GPC3: variants seen among roughly 807,000 people sequenced by gnomAD.
GPC3 encodes the protein glypican 3.
In GPC3, 3 loss-of-function variants were observed where a neutral mutation model predicts 34.4. The observed-to-expected ratio is 0.09, with a 90% CI of 0.04 to 0.23. The LOEUF is 0.23. Among genes scored for constraint, GPC3 ranks in the 10% least tolerant of loss-of-function variants. The pLI, the probability that GPC3 is intolerant of heterozygous loss-of-function variation, is 1.00. For synonymous variants in GPC3, 177 were observed against 174.0 expected (o/e 1.02, Z -0.13); for missense variants, 351 against 445.6 (o/e 0.79, Z 1.91).
Position 133,865,930 on chromosome X carries a change from A to T in GPC3, c.337+87120T>A, listed in dbSNP as rs181699943. 5.4e-3 allele frequency among the ~76,000 whole-genome samples: 601 copies of T among 112,253 alleles called. 2 individuals carry two copies. The highest frequency in any genetic ancestry group is 9.2e-3 in the Middle Eastern group (2 of 217). ...GCTTAAGTAGCTCTTTAAAGTAACT[A>T]TTACTTGTCATGTAAATTTCTAGTT... On this transcript the variant is annotated intron_variant, in intron 2 of 7. Coordinates refer to ENST00000370818, the MANE Select transcript of GPC3 (RefSeq NM_004484.4).
chrX:133,952,200 T>C (rs995478748), intron 2 of GPC3, among the ~76,000 whole-genome samples: 1 of 111,811 alleles, frequency 8.9e-6, no homozygotes, highest in Non-Finnish European at 1.9e-5. Flanking sequence ...CTTCACCATT[T>C]ATTTATTAAT....
At chrX:133,872,802 C>T (rs1490597755) in intron 2 of GPC3, among the ~76,000 whole-genome samples, 1 of 111,575 alleles carries the variant, frequency 9.0e-6, no homozygotes, top group Non-Finnish European at 1.9e-5. Context: ...AGGACCAGCA[C>T]CAATGCTAGA....
intron 2 of GPC3, among the ~76,000 whole-genome samples, chrX:133,910,899 C>T (rs918744114): frequency 3.6e-5 from 4 of 111,477 alleles, no homozygotes; most frequent in Non-Finnish European, 5.6e-5. Flanking sequence ...TATTGAGTCC[C>T]CAAATGAATC....
At chrX:133,658,603 G>C (rs770502814) in intron 6 of GPC3, among the ~76,000 whole-genome samples, 2 of 111,608 alleles carry the variant, frequency 1.8e-5, no homozygotes, top group South Asian at 7.5e-4. Flanking sequence ...CTGAAAAAAT[G>C]TGTTTTGGCT....
chrX:133,868,773 C>T (rs1318859854), intron 2 of GPC3, among the ~76,000 whole-genome samples: 3 of 111,180 alleles, frequency 2.7e-5, no homozygotes, highest in African/African-American at 6.6e-5. Context: ...CCTCAATGGG[C>T]GGGCCTCCTC....
intron 5 of GPC3, chrX:133,671,500 C>T: frequency 9.8e-6 from 4 of 408,121 alleles, no homozygotes; most frequent in Non-Finnish European, 1.3e-5. Context: ...AGCAGTACTA[C>T]TTCAGAGCCA....
intron 3 of GPC3, among the ~76,000 whole-genome samples, chrX:133,751,265 G>A (rs1467613406): frequency 1.8e-5 from 2 of 110,806 alleles, no homozygotes; most frequent in Non-Finnish European, 3.8e-5. Flanking sequence ...GCATTTCCAA[G>A]CCCCTGGCAT....
intron 2 of GPC3, among the ~76,000 whole-genome samples, chrX:133,918,227 A>C (rs908839701): frequency 2.7e-5 from 3 of 112,135 alleles, no homozygotes; most frequent in Non-Finnish European, 5.6e-5. Flanking sequence ...GAAATATCTC[A>C]TTTTTCCAGC....
chrX:133,557,136 A>G (rs1193975451), intron 7 of GPC3, among the ~76,000 whole-genome samples: 1 of 107,522 alleles, frequency 9.3e-6, no homozygotes, highest in Non-Finnish European at 1.9e-5. Flanking sequence ...TACTAAAAAT[A>G]CAAAAAAATT....
intron 2 of GPC3, among the ~76,000 whole-genome samples, chrX:133,856,120 T>C (rs1316412057): frequency 8.9e-6 from 1 of 112,374 alleles, no homozygotes; most frequent in African/African-American, 3.2e-5. Context: ...TTCATTTCCT[T>C]TGGGCATATA....
intron 2 of GPC3, among the ~76,000 whole-genome samples, chrX:133,842,530 G>A (rs1003921138): frequency 9.2e-6 from 1 of 108,533 alleles, no homozygotes; most frequent in African/African-American, 3.4e-5. Context: ...TGTACAGTGA[G>A]AATAAAGAAC....
chrX:133,778,090 C>T (rs971389976), intron 2 of GPC3, among the ~76,000 whole-genome samples: 1 of 112,336 alleles, frequency 8.9e-6, no homozygotes, highest in Non-Finnish European at 1.9e-5. Context: ...AAGGGTTGCA[C>T]ACTACTAAAG....
At chrX:133,763,278 C>T in intron 2 of GPC3, 1 of 559,178 alleles carries the variant, frequency 1.8e-6, no homozygotes, top group East Asian at 3.3e-5. Flanking sequence ...ACATTACCAT[C>T]CCATGCAACA....
chrX:133,677,612 G>A (rs925988752), intron 5 of GPC3, among the ~76,000 whole-genome samples: 3 of 112,110 alleles, frequency 2.7e-5, no homozygotes, highest in Admixed American at 1.9e-4. Context: ...ACTCCAAAGC[G>A]CCACAGGGGA....
At chrX:133,757,677 AT>A (rs1005558576) in intron 2 of GPC3, among the ~76,000 whole-genome samples, 2 of 111,044 alleles carry the variant, frequency 1.8e-5, no homozygotes, top group African/African-American at 6.5e-5. Flanking sequence ...GAAGCAGGTT[AT>A]TTTTTTTCAA....
At chrX:133,951,449 T>C (rs766524402) in intron 2 of GPC3, among the ~76,000 whole-genome samples, 2 of 110,935 alleles carry the variant, frequency 1.8e-5, no homozygotes, top group Admixed American at 1.9e-4. Context: ...ATCTGTGAGC[T>C]TGGATATTCT....
At chrX:133,922,675 C>T (rs968013766) in intron 2 of GPC3, among the ~76,000 whole-genome samples, 28 of 109,681 alleles carry the variant, frequency 2.6e-4, no homozygotes, top group Non-Finnish European at 4.9e-4. Context: ...GCCCCCTTGC[C>T]CCCCGCCCCC....
rs186580649 is a variant in GPC3, at chrX:133,749,282, C to T, written c.1032+4200G>A. The stretch of plus-strand genomic sequence containing the variant: ...TCTCAAAAAACAAAAGAGAACAAAA[C>T]GAAACAAAATCATCTGATCTCTTCA... On this transcript the variant is annotated intron_variant, in intron 3 of 7. Transcript: ENST00000370818. 3.1e-3 allele frequency among the ~76,000 whole-genome samples: 339 copies of T among 111,030 alleles called. 1 individual carries two copies. Among genetic ancestry groups the T allele is most frequent in the African/African-American group, 0.01 (315 of 30,552 alleles).
chrX:133,834,079 C>T (rs1282412287), intron 2 of GPC3, among the ~76,000 whole-genome samples: 1 of 112,472 alleles, frequency 8.9e-6, no homozygotes, highest in Non-Finnish European at 1.9e-5. Context: ...TTTTCAACAG[C>T]TGCATAGTAT....
Sources: allele counts gnomAD v4.1 joint callset (sites outside exome capture counted in the v4.1 genomes callset), GRCh38; gene constraint gnomAD v4.1.1; transcripts MANE v1.5; gene names NCBI Gene and HGNC (gene_info 2026-07-23, HGNC 2026-07-21).